The following LIPT1 variants were observed in gnomAD, a reference collection of about 807,000 sequenced individuals.
LIPT1 encodes lipoyl amidotransferase LIPT1, mitochondrial.
Under a neutral mutation model 25.1 loss-of-function variants are expected in LIPT1, and 22 were observed. The observed-to-expected ratio is 0.88, with a 90% CI of 0.63 to 1.25. LIPT1 has a LOEUF of 1.25. LIPT1 is among the 50% of genes most tolerant of loss of function. The pLI is 0.00. For missense variants in LIPT1, 399 were observed against 432.8 expected (o/e 0.92, Z 0.69); for synonymous variants, 131 against 150.8 (o/e 0.87, Z 0.96).
chr2:99,161,446 T>C (rs895954693), intron 1 of LIPT1: 2 of 151,042 alleles, frequency 1.3e-5, no homozygotes, highest in Non-Finnish European at 2.9e-5. Context: ...ATTAGGACTA[T>C]CAATGCTTTT....
chr2:99,159,825 G>C (rs2093774853), intron 1 of LIPT1, among the ~76,000 whole-genome samples: 1 of 152,160 alleles, frequency 6.6e-6, no homozygotes, highest in Non-Finnish European at 1.5e-5. Flanking sequence ...GGAAGTCGAA[G>C]ACTAGTAGTG....
chr2:99,163,112 A>G lies in LIPT1; in HGVS notation c.*33A>G, dbSNP rs2093810090. ...TAAATGTCTTAATACAGTTTCAATT[A>G]GAAAATAAAATGTCTCATACTTGCA... On this transcript the variant is annotated 3_prime_UTR_variant, in exon 2 of 2. Coordinates refer to ENST00000651691, the MANE Select transcript of LIPT1 (RefSeq NM_145199.3). The G allele has an allele frequency of 1.4e-6, 2 of 1,420,554 alleles. No individual in the cohort carries two copies. Among genetic ancestry groups the G allele is most frequent in the Non-Finnish European group, 9.4e-7 (1 of 1,066,868 alleles). The allele number at this position is 1,420,554 out of a possible 1,614,324, so 88.0% of individuals were successfully genotyped here.
chr2:99,155,468 G>A, intron 1 of LIPT1: 2 of 456,030 alleles, frequency 4.4e-6, no homozygotes, highest in Non-Finnish European at 8.8e-6. Flanking sequence ...GGATTGTGCT[G>A]TTTTCGCTTT....
intron 1 of LIPT1, chr2:99,156,857 A>T (rs1355629327): frequency 6.6e-6 from 1 of 152,248 alleles, no homozygotes; most frequent in Non-Finnish European, 1.5e-5. Context: ...TTATCAAGGT[A>T]AATGCCACTT....
chr2:99,163,118 TA>T lies in LIPT1; in HGVS notation c.*43del. 1 of 1,360,590 alleles carries T rather than the reference TA, an allele frequency of 7.3e-7. No homozygotes were observed. Among genetic ancestry groups the T allele is most frequent in the Non-Finnish European group, 9.7e-7 (1 of 1,027,444 alleles). 84.3% of individuals were successfully genotyped at this position (1,360,590 alleles called of 1,614,324 possible). Reference sequence around the variant, plus strand: ...TCTTAATACAGTTTCAATTAGAAAATAAAATGTCTCATACTTGCACATTGTA... The same window carrying T: ...TCTTAATACAGTTTCAATTAGAAAATAAATGTCTCATACTTGCACATTGTA... On this transcript the variant is annotated 3_prime_UTR_variant, in exon 2 of 2. Transcript: ENST00000651691.
In LIPT1 at chr2:99,161,967, C is replaced by T; in HGVS notation, c.10C>T (p.Pro4Ser). 1 of 1,594,430 alleles carries T rather than the reference C, an allele frequency of 6.3e-7. No individual in the cohort carries two copies. The highest frequency in any genetic ancestry group is 1.1e-5 in the South Asian group (1 of 89,056). MLI[P>S]FSMKNCFQLL... is the part of the protein sequence containing the mutation. ...TTCCATTTTTAAAAGCATGCTGATC[C>T]CATTTTCAATGAAGAATTGCTTCCA... Residue 4 changes from proline to serine, a missense_variant, in exon 2 of 2, where the codon CCA becomes TCA. Coordinates refer to ENST00000651691, the MANE Select transcript of LIPT1 (RefSeq NM_145199.3).
intron 1 of LIPT1, among the ~76,000 whole-genome samples, chr2:99,160,372 C>A (rs1264428166): frequency 6.6e-6 from 1 of 152,086 alleles, no homozygotes; most frequent in African/African-American, 2.4e-5. Context: ...CAGAGTGATA[C>A]CCTGTCTTAA....
In LIPT1 at chr2:99,162,974, T is replaced by G. The variant is rs1338971138; in HGVS notation, c.1017T>G (p.Thr339=). The change falls in exon 2 of 2, where the codon ACT becomes ACG. Residue 339 remains threonine, a synonymous_variant. Transcript: ENST00000651691. ...TTATTGGCAGTAAGTTTTGCCCAACTGAAACTACCATGCTAACAAATATAT... is the reference window on the plus strand; with the variant it reads ...TTATTGGCAGTAAGTTTTGCCCAACGGAAACTACCATGCTAACAAATATAT... ...SSLIGSKFCP[T]ETTMLTNILL... 1 of 1,613,766 alleles carries G rather than the reference T, an allele frequency of 6.2e-7. No individual in the cohort carries two copies. The highest frequency in any genetic ancestry group is 1.1e-5 in the South Asian group (1 of 91,036).
chr2:99,162,927 C>A lies in LIPT1; in HGVS notation c.970C>A (p.Arg324Ser). The A allele has an allele frequency of 1.2e-6, 2 of 1,613,646 alleles. No individual in the cohort carries two copies. The highest frequency in any genetic ancestry group is 1.7e-6 in the Non-Finnish European group (2 of 1,179,886). ...APDHWLPLEI[R>S]DKLNSSLIGS... ...TGATCATTGGTTGCCATTGGAAATACGTGACAAATTAAATTCAAGTCTTAT... is the reference window on the plus strand; with the variant it reads ...TGATCATTGGTTGCCATTGGAAATAAGTGACAAATTAAATTCAAGTCTTAT... Residue 324 changes from arginine (R) to serine (S), a missense_variant, in exon 2 of 2, where the codon CGT (arginine) becomes AGT (serine). Physicochemically the swap from Arg to Ser is moderately radical, Grantham distance 110. Coordinates refer to ENST00000651691, the MANE Select transcript of LIPT1 (RefSeq NM_145199.3).
At chr2:99,155,091 G>A (rs1441294340) in intron 1 of LIPT1, 40 bp downstream of exon 1, 4 of 454,106 alleles carry the variant, frequency 8.8e-6, no homozygotes, top group Admixed American at 4.7e-5. Flanking sequence ...GATGTTGCGG[G>A]CCGTAGCGCG....
rs1236228924 is a variant in LIPT1 at position 99,163,100 on chromosome 2, A to AC, written c.*22dup. ...TGTGATTCCAAGTAAATGTCTTAATACAGTTTCAATTAGAAAATAAAATGT... is the reference window on the plus strand; with the variant it reads ...TGTGATTCCAAGTAAATGTCTTAATACCAGTTTCAATTAGAAAATAAAATGT... On this transcript the variant is annotated 3_prime_UTR_variant, in exon 2 of 2. Transcript: ENST00000651691. 1 of 1,463,108 alleles carries AC rather than the reference A, an allele frequency of 6.8e-7. No individual in the cohort carries two copies. Among genetic ancestry groups the AC allele is most frequent in the Non-Finnish European group, 9.1e-7 (1 of 1,096,270 alleles). The allele number at this position is 1,463,108 out of a possible 1,614,324, so 90.6% of individuals were successfully genotyped here.
Position 99,162,952 on chromosome 2 carries a change from T to C in LIPT1, c.995T>C (p.Ile332Thr), listed in dbSNP as rs761062984. ...EIRDKLNSSL[I>T]GSKFCPTETT... ...CGTGACAAATTAAATTCAAGTCTTA[T>C]TGGCAGTAAGTTTTGCCCAACTGAA... The change falls in exon 2 of 2, where the codon ATT becomes ACT. Residue 332 changes from isoleucine to threonine, a missense_variant. Physicochemically the swap from Ile to Thr is moderately conservative, Grantham distance 89 (BLOSUM62 -1). Coordinates refer to ENST00000651691, the MANE Select transcript of LIPT1 (RefSeq NM_145199.3). 2.7e-5 allele frequency: 44 copies of C among 1,613,904 alleles called. No individual in the cohort carries two copies. The South Asian group carries it at 4.1e-4, about 15-fold the overall frequency.
chr2:99,160,066 A>G (rs1006677415), intron 1 of LIPT1, among the ~76,000 whole-genome samples: 7 of 152,278 alleles, frequency 4.6e-5, no homozygotes, highest in Non-Finnish European at 8.8e-5. Context: ...TGATGAAAAT[A>G]TGAAGACTCT....
At chr2:99,156,667 T>G (rs543280687) in intron 1 of LIPT1, 1 of 152,364 alleles carries the variant, frequency 6.6e-6, no homozygotes, top group East Asian at 1.9e-4. Flanking sequence ...ATGAAAACTT[T>G]GTTGAATTAA....
intron 1 of LIPT1, among the ~76,000 whole-genome samples, chr2:99,155,735 A>G (rs564884049): frequency 2.2e-4 from 33 of 152,340 alleles, no homozygotes; most frequent in Non-Finnish European, 4.1e-4. Flanking sequence ...ACTGGAGCAT[A>G]GAATAAAAAA....
chr2:99,160,238 T>C (rs186021638), intron 1 of LIPT1, among the ~76,000 whole-genome samples: 318 of 152,198 alleles, frequency 2.1e-3, no homozygotes, highest in Middle Eastern at 6.8e-3. Flanking sequence ...GAGACCCCCA[T>C]CTCTACAAAA....
chr2:99,156,523 C>G (rs1408722828), intron 1 of LIPT1: 1 of 152,264 alleles, frequency 6.6e-6, no homozygotes, highest in African/African-American at 2.4e-5. Flanking sequence ...CTTGGCCTCC[C>G]AAAGTGCTGG....
chr2:99,155,278 C>T (rs2093739430), intron 1 of LIPT1: 7 of 365,690 alleles, frequency 1.9e-5, no homozygotes, highest in Non-Finnish European at 3.8e-5. Context: ...GGGTAAATAT[C>T]GTAAAACATG....
Position 99,155,031 on chromosome 2 carries a change from G to T in LIPT1, c.-22G>T, listed in dbSNP as rs1352085424. 4.4e-6 allele frequency: 2 copies of T among 456,018 alleles called. No individual in the cohort carries two copies. The highest frequency in any genetic ancestry group is 4.7e-5 in the Admixed American group (2 of 42,582). The allele number at this position is 456,018 out of a possible 1,614,324, so 28.2% of individuals were successfully genotyped here. A position where few individuals can be genotyped will look rare whatever the true frequency, so the allele number is the denominator to read the frequency against. ...CCAGCTCGAGCCCTCACGAGGCCGT[G>T]GGTACGACCGGAAGCCGCAGGTGGG... On this transcript the variant is annotated 5_prime_UTR_variant, in exon 1 of 2. Transcript: ENST00000651691.
Sources: allele counts gnomAD v4.1 joint callset (sites outside exome capture counted in the v4.1 genomes callset), GRCh38; gene constraint gnomAD v4.1.1; transcripts MANE v1.5; gene names NCBI Gene and HGNC (gene_info 2026-07-23, HGNC 2026-07-21).